Variants in C2CD3 observed in about 807,000 individuals in gnomAD.
The protein encoded by C2CD3 is C2 domain-containing protein 3.
C2CD3 carries 148 observed loss-of-function variants against 234.0 expected under a neutral mutation model. The observed-to-expected ratio is 0.63, with a 90% CI of 0.55 to 0.72. C2CD3 has a LOEUF of 0.72. Ranked by LOEUF, C2CD3 falls within the 30% of genes least tolerant of loss-of-function variation. The pLI is 0.00. For missense variants in C2CD3, 2,577 were observed against 2,811.5 expected (o/e 0.92, Z 1.89); for synonymous variants, 1,000 against 1,035.4 (o/e 0.97, Z 0.66).
At chr11:74,130,230 T>C (rs1957615629) in intron 7 of C2CD3, among the ~76,000 whole-genome samples, 1 of 149,976 alleles carries the variant, frequency 6.7e-6, no homozygotes, top group Admixed American at 6.6e-5. Context: ...GTCCAACTTT[T>C]TTTTTTTTTT....
Position 74,143,960 on chromosome 11 carries a change from C to T in C2CD3, c.484-4132G>A, listed in dbSNP as rs563006122. 4.6e-5 allele frequency among the ~76,000 whole-genome samples: 7 copies of T among 152,188 alleles called. No homozygotes were observed. In the East Asian group the frequency reaches 1.4e-3, roughly 29 times the overall value. ...ATCTTGAGTGAGTTTTGGTAGTTTA[C>T]AGTTTTTAAAGAATTGGCTCATTTC... On this transcript the variant is annotated intron_variant, in intron 3 of 32. Transcript: ENST00000334126.
At chr11:74,055,183 T>C (rs1263452784) in intron 25 of C2CD3, among the ~76,000 whole-genome samples, 1 of 152,200 alleles carries the variant, frequency 6.6e-6, no homozygotes, top group African/African-American at 2.4e-5. Context: ...AAGGTTGGAC[T>C]CAGAGAAGTA....
intron 7 of C2CD3, 38 bp downstream of exon 7, chr11:74,132,806 A>G (rs1291976054): frequency 1.3e-6 from 2 of 1,597,130 alleles, no homozygotes; most frequent in Admixed American, 1.7e-5. Context: ...AATTGGAGGA[A>G]GAGTTTAAAA....
At chr11:74,025,919 C>T (rs915954987) in intron 32 of C2CD3, among the ~76,000 whole-genome samples, 2 of 152,116 alleles carry the variant, frequency 1.3e-5, no homozygotes, top group East Asian at 1.9e-4. Flanking sequence ...AGCCTGGACA[C>T]AGCCCTATGA....
intron 8 of C2CD3, among the ~76,000 whole-genome samples, chr11:74,121,742 T>G (rs970142067): frequency 6.6e-6 from 1 of 152,078 alleles, no homozygotes; most frequent in African/African-American, 2.4e-5. Context: ...AGATAAGATG[T>G]GAAGTCCCTA....
At chr11:74,084,992 A>G in intron 21 of C2CD3, 22 bp from the exon 22 acceptor site, 1 of 1,434,206 alleles carries the variant, frequency 7.0e-7, no homozygotes, top group Non-Finnish European at 9.8e-7. Flanking sequence ...AGCAAAAAAG[A>G]AAAATTATTT....
chr11:74,050,567 CCAAA>C (rs1469745140), intron 26 of C2CD3, among the ~76,000 whole-genome samples: 3 of 152,206 alleles, frequency 2.0e-5, no homozygotes, highest in Non-Finnish European at 4.4e-5. Flanking sequence ...GCTGGATCTA[CCAAA>C]CACTGATACA....
At chr11:74,079,168 G>T (rs901640136) in intron 22 of C2CD3, among the ~76,000 whole-genome samples, 4 of 152,174 alleles carry the variant, frequency 2.6e-5, no homozygotes, top group Non-Finnish European at 5.9e-5. Context: ...GAGATCTGGG[G>T]TCTAGACCCA....
chr11:74,118,083 A>G (rs1957089357), intron 9 of C2CD3, 145 bp downstream of exon 9: 1 of 599,196 alleles, frequency 1.7e-6, no homozygotes, highest in Non-Finnish European at 2.8e-6. Flanking sequence ...AGATTATTAC[A>G]TTTTTAAGAA....
At chr11:74,092,022 A>T (rs900055817) in intron 19 of C2CD3, among the ~76,000 whole-genome samples, 2 of 150,858 alleles carry the variant, frequency 1.3e-5, no homozygotes, top group African/African-American at 4.9e-5. Context: ...TGTATATTTT[A>T]TATATATATA....
At chr11:74,163,275 A>T (rs1310069612) in intron 2 of C2CD3, among the ~76,000 whole-genome samples, 2 of 152,190 alleles carry the variant, frequency 1.3e-5, no homozygotes, top group South Asian at 4.1e-4. Context: ...TGCTGTTCTG[A>T]GGAACTGGGG....
chr11:74,165,688 C>T (rs1856759550), intron 2 of C2CD3, among the ~76,000 whole-genome samples: 1 of 152,158 alleles, frequency 6.6e-6, no homozygotes, highest in South Asian at 2.1e-4. Context: ...GGGTCTCACT[C>T]TGTCACCCAG....
intron 24 of C2CD3, among the ~76,000 whole-genome samples, chr11:74,069,175 T>A (rs1183528446): frequency 6.6e-6 from 1 of 152,232 alleles, no homozygotes; most frequent in Non-Finnish European, 1.5e-5. Flanking sequence ...AAGAAGATAG[T>A]TCCTTATTTA....
At chr11:74,018,810 G>A (rs1323164934) in intron 32 of C2CD3, among the ~76,000 whole-genome samples, 1 of 152,208 alleles carries the variant, frequency 6.6e-6, no homozygotes, top group Non-Finnish European at 1.5e-5. Context: ...TGCTCAGCCC[G>A]GCTGCCGCAT....
chr11:74,167,838 C>T (rs2135577462), intron 2 of C2CD3, among the ~76,000 whole-genome samples: 1 of 152,336 alleles, frequency 6.6e-6, no homozygotes, highest in Non-Finnish European at 1.5e-5. Flanking sequence ...GTAATACTAA[C>T]TCACTAAACC....
chr11:74,038,758 T>G (rs976525099), intron 29 of C2CD3, among the ~76,000 whole-genome samples: 4 of 152,232 alleles, frequency 2.6e-5, no homozygotes, highest in Non-Finnish European at 5.9e-5. Context: ...ACCTTCACAC[T>G]CATCATTTCA....
chr11:74,103,556 G>T lies in C2CD3; in HGVS notation c.2155C>A (p.His719Asn). 1 of 1,613,322 alleles carries T rather than the reference G, an allele frequency of 6.2e-7. No individual in the cohort carries two copies. Residue 719 changes from histidine (H) to asparagine (N), a missense_variant, in exon 14 of 33, where the codon CAT (histidine) becomes AAT (asparagine). His to Asn is a moderately conservative substitution (Grantham distance 68). Coordinates refer to ENST00000334126, the MANE Select transcript of C2CD3 (RefSeq NM_001286577.2). ...GINTKLSGNT[H>N]YTPLCAPTSP... Reference sequence around the variant, plus strand: ...GTAGGAGCACAAAGTGGGGTATAATGGGTGTTGCCACTTAACTTAGTATTG... The same window carrying T: ...GTAGGAGCACAAAGTGGGGTATAATTGGTGTTGCCACTTAACTTAGTATTG...
intron 5 of C2CD3, among the ~76,000 whole-genome samples, chr11:74,136,446 G>C (rs116080922): frequency 0.012 from 1,771 of 152,274 alleles, 34 homozygotes; most frequent in African/African-American, 0.041. Context: ...ACAGGCCTAG[G>C]TAAACAATGA....
At chr11:74,062,881 A>G (rs1954314415) in intron 24 of C2CD3, among the ~76,000 whole-genome samples, 1 of 152,176 alleles carries the variant, frequency 6.6e-6, no homozygotes, top group Non-Finnish European at 1.5e-5. Flanking sequence ...ACAGACCACT[A>G]GCAAGACTAA....
Sources: allele counts gnomAD v4.1 joint callset (sites outside exome capture counted in the v4.1 genomes callset), GRCh38; gene constraint gnomAD v4.1.1; transcripts MANE v1.5; gene names NCBI Gene and HGNC (gene_info 2026-07-23, HGNC 2026-07-21).